Variants in MGST1 observed in about 807,000 individuals in gnomAD.
The protein encoded by MGST1 is microsomal glutathione S-transferase 1, also known as glutathione S-transferase 12.
Under a neutral mutation model 8.9 loss-of-function variants are expected in MGST1, and 5 were observed. The observed-to-expected ratio is 0.56, with a 90% CI of 0.29 to 1.19. The LOEUF (loss-of-function observed/expected upper bound fraction) is 1.19. Among genes scored for constraint, MGST1 ranks in the 50% most tolerant of loss-of-function variants. The probability of loss-of-function intolerance (pLI) is 0.08; values close to 1 mark genes in which losing one functional copy is unlikely to be tolerated. For synonymous variants in MGST1, 54 were observed against 67.8 expected (o/e 0.80, Z 1.00); for missense variants, 182 against 187.4 (o/e 0.97, Z 0.17).
At chr12:16,421,787 T>A (rs1004076039) in intron 1 of MGST1, among the ~76,000 whole-genome samples, 3 of 152,178 alleles carry the variant, frequency 2.0e-5, no homozygotes, top group African/African-American at 7.2e-5. Flanking sequence ...CCCCTGGCAA[T>A]AGTGAGACAA....
downstream of MGST1, among the ~76,000 whole-genome samples, chr12:16,441,684 T>C (rs927243226): frequency 5.3e-5 from 8 of 151,868 alleles, no homozygotes; most frequent in Non-Finnish European, 1.2e-4. Flanking sequence ...TTTTTAGTGC[T>C]GAATAATACT....
chr12:16,536,511 G>C (rs1023578260), intron 4 of MGST1, among the ~76,000 whole-genome samples: 12 of 152,224 alleles, frequency 7.9e-5, no homozygotes, highest in African/African-American at 2.4e-4. Flanking sequence ...ATTCTGGTTA[G>C]AATTCTGTTT....
chr12:16,384,931 C>G (rs748398735), intron 1 of MGST1, among the ~76,000 whole-genome samples: 2 of 152,194 alleles, frequency 1.3e-5, no homozygotes, highest in Admixed American at 6.5e-5. Context: ...TGAGGGATAA[C>G]TCTAGCTGGG....
At chr12:16,556,736 A>G (rs998109901) in intron 4 of MGST1, among the ~76,000 whole-genome samples, 1 of 152,198 alleles carries the variant, frequency 6.6e-6, no homozygotes, top group South Asian at 2.1e-4. Flanking sequence ...AGAATCTCCT[A>G]TATGAAAACC....
At chr12:16,354,519 G>T in intron 2 of MGST1, 141 bp downstream of exon 2, 1 of 722,316 alleles carries the variant, frequency 1.4e-6, no homozygotes, top group Non-Finnish European at 2.2e-6. Flanking sequence ...CCATCGTTTG[G>T]CACAGATGGA....
rs1175839387 is a variant in MGST1, at chr12:16,497,840, T to A, written n.483-91688T>A. 6.6e-6 allele frequency among the ~76,000 whole-genome samples: 1 copy of A among 152,212 alleles called. No individual in the cohort carries two copies. Among genetic ancestry groups the A allele is most frequent in the African/African-American group, 2.4e-5 (1 of 41,470 alleles). ...GGTAATATGTTAAAATAGCACATTC[T>A]TTGGACATCTGTCCCCCAGAAATTC... On this transcript the variant is annotated intron_variant and non_coding_transcript_variant, in intron 4 of 4. Coordinates refer to the MGST1 transcript ENST00000538857. The surrounding 1 kb of genome is among the most constrained non-coding windows in gnomAD (Gnocchi z 4.4).
intron 4 of MGST1, among the ~76,000 whole-genome samples, chr12:16,491,848 C>T (rs909633884): frequency 1.3e-5 from 2 of 151,820 alleles, no homozygotes; most frequent in African/African-American, 2.4e-5. Context: ...ACCTTTTTCC[C>T]GTTTCTAATA....
intron 4 of MGST1, among the ~76,000 whole-genome samples, chr12:16,491,931 A>G (rs904572317): frequency 6.6e-6 from 1 of 152,170 alleles, no homozygotes; most frequent in Non-Finnish European, 1.5e-5. Context: ...TTTGATTTTA[A>G]AATATCAAGG....
chr12:16,487,103 A>G (rs540353706), intron 4 of MGST1, among the ~76,000 whole-genome samples: 6 of 152,290 alleles, frequency 3.9e-5, no homozygotes, highest in Non-Finnish European at 8.8e-5. Context: ...TCTAGAATCC[A>G]TTAGGCAATG....
At chr12:16,459,998 A>C (rs1941206753) in intron 4 of MGST1, among the ~76,000 whole-genome samples, 1 of 152,146 alleles carries the variant, frequency 6.6e-6, no homozygotes, top group Non-Finnish European at 1.5e-5. Flanking sequence ...TAATGGATTA[A>C]AAATGTGACT....
downstream of MGST1, among the ~76,000 whole-genome samples, chr12:16,592,964 A>T (rs1943540821): frequency 1.3e-5 from 2 of 151,898 alleles, no homozygotes; most frequent in Admixed American, 6.6e-5. Context: ...AAGTAATGAC[A>T]TCTAAAATTA....
intron 4 of MGST1, among the ~76,000 whole-genome samples, chr12:16,577,403 A>C (rs1190462351): frequency 6.6e-6 from 1 of 152,174 alleles, no homozygotes; most frequent in Non-Finnish European, 1.5e-5. Flanking sequence ...AGTAGTTGGC[A>C]GTTATTCTTC....
chr12:16,549,976 C>T (rs1452646141), intron 4 of MGST1: 2 of 152,076 alleles, frequency 1.3e-5, no homozygotes, highest in Middle Eastern at 3.4e-3. Flanking sequence ...GAGAGTAAAA[C>T]ACATCAAACT....
chr12:16,571,057 A>G (rs1942797859), intron 4 of MGST1, among the ~76,000 whole-genome samples: 1 of 152,100 alleles, frequency 6.6e-6, no homozygotes, highest in Non-Finnish European at 1.5e-5. Context: ...AAAAAAATCT[A>G]TTATCTACAG....
chr12:16,366,773 G>T (rs1257296540), downstream of MGST1, among the ~76,000 whole-genome samples: 1 of 151,922 alleles, frequency 6.6e-6, no homozygotes, highest in Non-Finnish European at 1.5e-5. This position sits in a 1 kb window ranked among gnomAD's most constrained non-coding sequence, Gnocchi z 4.0. Flanking sequence ...TTCAGGCCTT[G>T]TTCTGTCCTC....
At chr12:16,437,985 C>G (rs961411874) in exon 2 of MGST1, 6 of 151,838 alleles carry the variant, frequency 4.0e-5, no homozygotes, top group African/African-American at 1.5e-4. Flanking sequence ...CATGCCTAGG[C>G]TTAACTCTGT....
intron 4 of MGST1, among the ~76,000 whole-genome samples, chr12:16,475,419 T>A (rs985382399): frequency 1.3e-5 from 2 of 152,228 alleles, no homozygotes; most frequent in African/African-American, 4.8e-5. Context: ...ACATACTTTT[T>A]AAACTTGATT....
chr12:16,384,206 C>T (rs930577454), intron 1 of MGST1, among the ~76,000 whole-genome samples: 2 of 152,110 alleles, frequency 1.3e-5, no homozygotes, highest in African/African-American at 4.8e-5. Context: ...GGATATGCCC[C>T]ATGTAATTGA....
At chr12:16,376,240 G>T in exon 4 of MGST1, 1 of 645,748 alleles carries the variant, frequency 1.5e-6, no homozygotes, top group Non-Finnish European at 2.6e-6. Flanking sequence ...AATAATTGAA[G>T]AAAAAATTTA....
Sources: gnomAD v4.1 joint callset for allele counts (sites outside exome capture counted in the v4.1 genomes callset) on GRCh38, gnomAD v4.1.1 for gene constraint, Gnocchi (gnomAD v3.1) non-coding constraint, MANE v1.5 for transcripts, NCBI Gene and HGNC (gene_info 2026-07-23, HGNC 2026-07-21) for gene names.